The following RPS6KC1 variants were observed in gnomAD, a reference collection of about 807,000 sequenced individuals.
RPS6KC1 encodes inactive ribosomal protein S6 kinase delta-1.
A neutral mutation model predicts 103.8 loss-of-function variants in RPS6KC1; 54 were observed. That is an observed-to-expected ratio of 0.52 (90% CI 0.42 to 0.65). The LOEUF is 0.65. Ranked by LOEUF, RPS6KC1 falls within the 30% of genes least tolerant of loss-of-function variation. RPS6KC1 has a pLI of 0.00. For synonymous variants in RPS6KC1, 439 were observed against 438.7 expected (o/e 1.00, Z -0.01); for missense variants, 1,151 against 1,253.8 (o/e 0.92, Z 1.24).
intron 8 of RPS6KC1, among the ~76,000 whole-genome samples, chr1:213,215,227 G>A (rs913748981): frequency 6.6e-6 from 1 of 152,212 alleles, no homozygotes; most frequent in African/African-American, 2.4e-5. Flanking sequence ...ACTTCATGAC[G>A]AATGCACAAG....
At chr1:213,724,723 A>G in the RPS6KC1 span, among the ~76,000 whole-genome samples, 1 of 152,184 alleles carries the variant, frequency 6.6e-6, no homozygotes, top group African/African-American at 2.4e-5. Flanking sequence ...GTAACACAGC[A>G]AGACACCATC....
intron 2 of RPS6KC1, among the ~76,000 whole-genome samples, chr1:213,075,736 CTGAG>C (rs137964457): frequency 0.047 from 7,222 of 152,212 alleles, 562 homozygotes; most frequent in African/African-American, 0.17. Flanking sequence ...TAGGCAAATA[CTGAG>C]TATGTACTTT....
chr1:213,690,431 C>T, the RPS6KC1 span, among the ~76,000 whole-genome samples: 158 of 152,252 alleles, frequency 1.0e-3, no homozygotes, highest in Non-Finnish European at 1.6e-3. Flanking sequence ...CTCCAAACTG[C>T]ATCATTTCAT....
At chr1:213,137,516 A>C (rs893709889) in intron 6 of RPS6KC1, among the ~76,000 whole-genome samples, 6 of 150,760 alleles carry the variant, frequency 4.0e-5, no homozygotes, top group Non-Finnish European at 5.9e-5. Context: ...TATTTTTAGG[A>C]GAAACGGTGT....
chr1:213,685,193 CTCT>C, the RPS6KC1 span, among the ~76,000 whole-genome samples: 6 of 152,186 alleles, frequency 3.9e-5, no homozygotes, highest in Non-Finnish European at 8.8e-5. Context: ...TGCGCTAATT[CTCT>C]TCTTCTCTTT....
chr1:213,559,976 AC>A, the RPS6KC1 span, among the ~76,000 whole-genome samples: 10 of 152,292 alleles, frequency 6.6e-5, no homozygotes, highest in South Asian at 2.1e-3. Context: ...CTAATAAGCT[AC>A]TTATAGTATT....
the RPS6KC1 span, among the ~76,000 whole-genome samples, chr1:213,494,564 A>G: frequency 3.3e-5 from 5 of 152,070 alleles, no homozygotes; most frequent in Admixed American, 3.3e-4. Context: ...TTAAATTGGA[A>G]AGTCATATTG....
At chr1:213,165,715 G>T (rs934622322) in intron 6 of RPS6KC1, among the ~76,000 whole-genome samples, 1 of 151,998 alleles carries the variant, frequency 6.6e-6, no homozygotes, top group African/African-American at 2.4e-5. Context: ...GAGCCACCGC[G>T]CCCGGCCAGT....
chr1:213,834,900 C>T, the RPS6KC1 span, among the ~76,000 whole-genome samples: 8 of 152,128 alleles, frequency 5.3e-5, no homozygotes, highest in African/African-American at 1.4e-4. Context: ...CTGGGGAAAT[C>T]GCAGCCATCA....
chr1:213,054,652 T>C (rs2077194547), intron 1 of RPS6KC1, among the ~76,000 whole-genome samples: 1 of 152,200 alleles, frequency 6.6e-6, no homozygotes, highest in African/African-American at 2.4e-5. Context: ...GTACCAATGT[T>C]AAATTTTGGA....
At chr1:213,187,224 T>A (rs940998852) in intron 8 of RPS6KC1, among the ~76,000 whole-genome samples, 2 of 151,750 alleles carry the variant, frequency 1.3e-5, no homozygotes, top group Admixed American at 1.3e-4. Context: ...TTCAGTTTCT[T>A]TTTTTTAAAT....
the RPS6KC1 span, among the ~76,000 whole-genome samples, chr1:213,795,891 G>A: frequency 6.6e-6 from 1 of 152,096 alleles, no homozygotes; most frequent in South Asian, 2.1e-4. Context: ...AACCTGCTCT[G>A]TAATTCACAA....
the RPS6KC1 span, among the ~76,000 whole-genome samples, chr1:213,709,254 C>T: frequency 1.1e-4 from 16 of 152,182 alleles, no homozygotes; most frequent in East Asian, 2.3e-3. Flanking sequence ...TTCGGGGATT[C>T]GACTTCTTCC....
chr1:213,753,237 G>T, the RPS6KC1 span, among the ~76,000 whole-genome samples: 1 of 152,194 alleles, frequency 6.6e-6, no homozygotes, highest in Non-Finnish European at 1.5e-5. Flanking sequence ...TTTAGTGTAA[G>T]GTCAAAGTTA....
At chr1:213,636,540 G>A in the RPS6KC1 span, among the ~76,000 whole-genome samples, 3 of 152,138 alleles carry the variant, frequency 2.0e-5, no homozygotes, top group Admixed American at 2.0e-4. Context: ...AATAAATGGT[G>A]CTGGGAGAAC....
the RPS6KC1 span, among the ~76,000 whole-genome samples, chr1:213,715,835 C>A: frequency 6.6e-6 from 1 of 152,172 alleles, no homozygotes; most frequent in African/African-American, 2.4e-5. Context: ...CCCTGTGAGC[C>A]CTTTTCCTCT....
the RPS6KC1 span, among the ~76,000 whole-genome samples, chr1:213,373,818 C>T: frequency 1.3e-5 from 2 of 152,206 alleles, no homozygotes; most frequent in African/African-American, 4.8e-5. Context: ...ACACGATGCC[C>T]TATCACATCC....
chr1:213,234,035 G>C (rs1444774896), intron 10 of RPS6KC1, among the ~76,000 whole-genome samples: 1 of 145,176 alleles, frequency 6.9e-6, no homozygotes, highest in Non-Finnish European at 1.5e-5. Flanking sequence ...TTTTTTGGTT[G>C]GGGGGTAGTT....
At chr1:213,462,582 G>A in the RPS6KC1 span, among the ~76,000 whole-genome samples, 1 of 152,138 alleles carries the variant, frequency 6.6e-6, no homozygotes, top group African/African-American at 2.4e-5. Flanking sequence ...CCATAAAAAA[G>A]GATGAGTTCA....
Sources: allele counts gnomAD v4.1 joint callset (sites outside exome capture counted in the v4.1 genomes callset), GRCh38; gene constraint gnomAD v4.1.1; transcripts MANE v1.5; gene names NCBI Gene and HGNC (gene_info 2026-07-23, HGNC 2026-07-21).